Variants in AKT3 observed in about 807,000 individuals in gnomAD.
The protein encoded by AKT3 is AKT serine/threonine kinase 3.
AKT3 carries 15 observed loss-of-function variants against 65.3 expected under a neutral mutation model. The ratio of observed to expected loss-of-function variants is 0.23; its 90% CI spans 0.15 to 0.35. The LOEUF is 0.35. AKT3 is among the 10% of genes least tolerant of loss of function. The pLI is 1.00. For synonymous variants in AKT3, 206 were observed against 183.8 expected (o/e 1.12, Z -0.98); for missense variants, 243 against 576.5 (o/e 0.42, Z 5.92).
At chr1:243,829,175 C>A (rs760011331) in intron 2 of AKT3, among the ~76,000 whole-genome samples, 1 of 152,022 alleles carries the variant, frequency 6.6e-6, no homozygotes, top group Non-Finnish European at 1.5e-5. Flanking sequence ...AAAATTTTAG[C>A]TTTATATTGG....
intron 6 of AKT3, among the ~76,000 whole-genome samples, chr1:243,626,570 T>C (rs1192124838): frequency 6.6e-6 from 1 of 152,178 alleles, no homozygotes; most frequent in African/African-American, 2.4e-5. Flanking sequence ...GAACCAGGGC[T>C]TTCTTTTAAC....
downstream of AKT3, among the ~76,000 whole-genome samples, chr1:243,496,302 C>T (rs1030493339): frequency 3.9e-5 from 6 of 152,146 alleles, no homozygotes; most frequent in African/African-American, 7.2e-5. Context: ...GAACAGCTGC[C>T]GAGCCCTGGC....
intron 2 of AKT3, among the ~76,000 whole-genome samples, chr1:243,755,272 G>A (rs1276790323): frequency 1.3e-5 from 2 of 149,338 alleles, no homozygotes; most frequent in Non-Finnish European, 3.0e-5. Flanking sequence ...ACAGGGTTTA[G>A]CCATGTTGCC....
chr1:243,651,549 T>C (rs184209088), intron 4 of AKT3, among the ~76,000 whole-genome samples: 126 of 152,338 alleles, frequency 8.3e-4, no homozygotes, highest in African/African-American at 2.9e-3. Context: ...ATAGCTGTTA[T>C]TATTTTGAGA....
chr1:243,788,650 A>G (rs1047949363), intron 2 of AKT3: 2 of 152,228 alleles, frequency 1.3e-5, no homozygotes, highest in African/African-American at 4.8e-5. Flanking sequence ...TTATGTTTAC[A>G]CTATACTATA....
downstream of AKT3, chr1:243,499,702 A>G (rs761797534): frequency 6.5e-6 from 9 of 1,387,194 alleles, no homozygotes; most frequent in Non-Finnish European, 9.2e-6. Flanking sequence ...TGAGAAGACA[A>G]ATAACATTGA....
chr1:243,496,130 GATAA>G (rs1169600335), downstream of AKT3, among the ~76,000 whole-genome samples: 8 of 152,258 alleles, frequency 5.3e-5, no homozygotes, highest in Non-Finnish European at 1.0e-4. Context: ...GGCCATTTGA[GATAA>G]ATAACCATTT....
At chr1:243,721,453 T>C (rs937399730) in intron 2 of AKT3, among the ~76,000 whole-genome samples, 7 of 152,190 alleles carry the variant, frequency 4.6e-5, no homozygotes, top group African/African-American at 1.7e-4. Flanking sequence ...AATGGATAGT[T>C]GTCCCATATG....
chr1:243,490,320 T>TGG (rs1218736141), intron 13 of AKT3, among the ~76,000 whole-genome samples: 11 of 152,066 alleles, frequency 7.2e-5, no homozygotes, highest in Admixed American at 7.2e-4. Context: ...CCAGGGACTG[T>TGG]GGGGGAGCGG....
intron 5 of AKT3, among the ~76,000 whole-genome samples, chr1:243,640,199 T>C (rs143093650): frequency 4.9e-4 from 74 of 152,276 alleles, no homozygotes; most frequent in African/African-American, 1.7e-3. Flanking sequence ...GCTCTAAATA[T>C]CAAATATAGT....
Position 243,775,888 on chromosome 1 carries a change from G to T in AKT3, c.46+67237C>A, listed in dbSNP as rs1458656306. 5.3e-5 allele frequency among the ~76,000 whole-genome samples: 8 copies of T among 152,084 alleles called. No individual in the cohort carries two copies. The East Asian group carries it at 1.5e-3, about 29-fold the overall frequency. ...GATCTATCAATTAAATCAGAGAAAA[G>T]AAAATAAAAAATAAAGATTTGAATA... On this transcript the variant is annotated intron_variant, in intron 2 of 13. Coordinates refer to ENST00000673466, the MANE Select transcript of AKT3 (RefSeq NM_005465.7).
intron 2 of AKT3, among the ~76,000 whole-genome samples, chr1:243,832,120 T>TAAAAAA (rs869235352): frequency 2.5e-4 from 11 of 44,772 alleles, no homozygotes; most frequent in South Asian, 1.8e-3. Context: ...TCCCTAAAAC[T>TAAAAAA]AAAAAAAAAA....
chr1:243,536,481 A>G (rs1397110151), intron 12 of AKT3, among the ~76,000 whole-genome samples: 2 of 152,204 alleles, frequency 1.3e-5, no homozygotes, highest in African/African-American at 2.4e-5. Flanking sequence ...TATGCTACAC[A>G]TGATCTACTT....
At chr1:243,694,080 T>C (rs887144985) in intron 3 of AKT3, among the ~76,000 whole-genome samples, 2 of 152,218 alleles carry the variant, frequency 1.3e-5, no homozygotes, top group African/African-American at 4.8e-5. Flanking sequence ...TTAAAACTCG[T>C]TGGGGTGTGA....
chr1:243,633,784 A>G (rs1679778297), intron 6 of AKT3, among the ~76,000 whole-genome samples: 1 of 152,158 alleles, frequency 6.6e-6, no homozygotes, highest in African/African-American at 2.4e-5. Context: ...AGTCCTTATC[A>G]CGACTCACTT....
At chr1:243,490,991 C>T (rs912899900) in intron 13 of AKT3, among the ~76,000 whole-genome samples, 4 of 152,324 alleles carry the variant, frequency 2.6e-5, no homozygotes, top group East Asian at 1.9e-4. Context: ...AGGGAGGGAC[C>T]GTGACTCCTG....
intron 2 of AKT3, among the ~76,000 whole-genome samples, chr1:243,750,917 A>G (rs1051073852): frequency 5.3e-4 from 81 of 152,158 alleles, no homozygotes; most frequent in African/African-American, 1.9e-3. Flanking sequence ...GTTCATTAAA[A>G]AGAAATAATG....
At chr1:243,567,899 G>C (rs1674286176) in intron 9 of AKT3, among the ~76,000 whole-genome samples, 2 of 152,134 alleles carry the variant, frequency 1.3e-5, no homozygotes, top group Admixed American at 1.3e-4. Flanking sequence ...ACCATTAGTA[G>C]GGTGATTCGT....
chr1:243,682,912 G>A (rs1018112483), intron 3 of AKT3, among the ~76,000 whole-genome samples: 4 of 152,072 alleles, frequency 2.6e-5, no homozygotes, highest in Non-Finnish European at 4.4e-5. Flanking sequence ...TTCCTAAATT[G>A]TAACTGCATG....
Sources: allele counts gnomAD v4.1 joint callset (sites outside exome capture counted in the v4.1 genomes callset), GRCh38; gene constraint gnomAD v4.1.1; transcripts MANE v1.5; gene names NCBI Gene and HGNC (gene_info 2026-07-23, HGNC 2026-07-21).